The following DLG2 variants were observed in gnomAD, a reference collection of about 807,000 sequenced individuals.
The protein encoded by DLG2 is disks large homolog 2.
Under a neutral mutation model 132.5 loss-of-function variants are expected in DLG2, and 45 were observed. The observed-to-expected ratio is 0.34, with a 90% CI of 0.27 to 0.44. The LOEUF is 0.44. Among genes scored for constraint, DLG2 ranks in the 20% least tolerant of loss-of-function variants. The pLI is 1.00. For synonymous variants in DLG2, 424 were observed against 419.6 expected, an observed-to-expected ratio of 1.01 and a Z score of -0.13; for missense variants, 1,045 against 1,196.9, an observed-to-expected ratio of 0.87 and a Z score of 1.87.
At chr11:85,526,732 T>G (rs1266151139) in intron 3 of DLG2, among the ~76,000 whole-genome samples, 1 of 152,154 alleles carries the variant, frequency 6.6e-6, no homozygotes. Flanking sequence ...GATTAGCATT[T>G]GAATCAGTAG....
chr11:85,028,162 T>A (rs182301094), intron 6 of DLG2, among the ~76,000 whole-genome samples: 1 of 152,240 alleles, frequency 6.6e-6, no homozygotes, highest in African/African-American at 2.4e-5. Flanking sequence ...GCAGGCAGGT[T>A]GTCCTGACAA....
intron 6 of DLG2, among the ~76,000 whole-genome samples, chr11:84,795,232 C>T (rs567465522): frequency 7.2e-5 from 11 of 152,240 alleles, no homozygotes; most frequent in African/African-American, 2.4e-4. Flanking sequence ...TGTGGGTCTC[C>T]TCTTTGCTTA....
chr11:85,104,358 C>T (rs905541707), intron 6 of DLG2, among the ~76,000 whole-genome samples: 3 of 151,808 alleles, frequency 2.0e-5, no homozygotes, highest in South Asian at 4.1e-4. Flanking sequence ...TATACTCATA[C>T]AATGAAATAT....
intron 7 of DLG2, among the ~76,000 whole-genome samples, chr11:84,372,494 G>T (rs1283067264): frequency 6.6e-6 from 1 of 151,960 alleles, no homozygotes; most frequent in East Asian, 1.9e-4. Context: ...CAAAATTATG[G>T]AAATATAAAA....
At chr11:84,147,520 T>C (rs2095129586) in intron 9 of DLG2, among the ~76,000 whole-genome samples, 1 of 152,134 alleles carries the variant, frequency 6.6e-6, no homozygotes, top group Non-Finnish European at 1.5e-5. Flanking sequence ...CTATTGAAAA[T>C]AAAACACTGT....
intron 4 of DLG2, among the ~76,000 whole-genome samples, chr11:85,176,985 G>A (rs891908801): frequency 1.3e-5 from 2 of 152,076 alleles, no homozygotes; most frequent in Non-Finnish European, 2.9e-5. Flanking sequence ...TGGAGAAAAA[G>A]GGATACTTTA....
chr11:84,343,503 A>T (rs1386451757), intron 7 of DLG2, among the ~76,000 whole-genome samples: 1 of 152,236 alleles, frequency 6.6e-6, no homozygotes, highest in Non-Finnish European at 1.5e-5. Flanking sequence ...CTGGGGATGT[A>T]GCTGAAGAAA....
Position 84,632,979 on chromosome 11 carries a change from C to T in DLG2, c.358-98248G>A, listed in dbSNP as rs540797383. Among the ~76,000 whole-genome samples, 4 of 152,290 alleles carry T rather than the reference C, an allele frequency of 2.6e-5. No individual in the cohort carries two copies. The East Asian group carries it at 7.7e-4, about 29-fold the overall frequency. ...TGAATGACTTTGAGCAATTCCATAG[C>T]TTTTCTTTCTTGAGTAAACTCCTCA... On this transcript the variant is annotated intron_variant, in intron 6 of 27. Coordinates refer to ENST00000376104, the MANE Select transcript of DLG2 (RefSeq NM_001142699.3).
chr11:85,424,000 G>A (rs1272531278), intron 3 of DLG2, among the ~76,000 whole-genome samples: 1 of 152,090 alleles, frequency 6.6e-6, no homozygotes. Flanking sequence ...TTCCCCCATG[G>A]CCATTTCCCC....
Position 85,006,222 on chromosome 11 carries a change from C to T in DLG2, c.357+105439G>A, listed in dbSNP as rs188605275. Among the ~76,000 whole-genome samples, 14 of 152,268 alleles carry T rather than the reference C, an allele frequency of 9.2e-5. No homozygotes were observed. In the East Asian group the frequency reaches 2.5e-3, roughly 27 times the overall value. On this transcript the variant is annotated intron_variant, in intron 6 of 27. Coordinates refer to ENST00000376104, the MANE Select transcript of DLG2 (RefSeq NM_001142699.3). ...TTGTGTCTCTGCCAGGTTTTGCTAT[C>T]AGGATGATGCTGTCCTCATAAAATT...
Position 84,624,857 on chromosome 11 carries a change from C to CTTTTTTTTTT in DLG2, c.358-90136_358-90127dup, listed in dbSNP as rs776520040. Among the ~76,000 whole-genome samples, 55 of 76,174 alleles carry CTTTTTTTTTT rather than the reference C, an allele frequency of 7.2e-4. 12 individuals carry two copies. Among genetic ancestry groups the CTTTTTTTTTT allele is most frequent in the African/African-American group, 3.2e-3 (27 of 8,542 alleles). 50.0% of individuals were successfully genotyped at this position (76,174 alleles called of 152,430 possible). ...AGTTACCTCTCAGAAGAGAGTCAACCTTTTTTTTTTTTTTTTTTGAGACGG... is the reference window on the plus strand; with the variant it reads ...AGTTACCTCTCAGAAGAGAGTCAACCTTTTTTTTTTTTTTTTTTTTTTTTTTTTGAGACGG... On this transcript the variant is annotated intron_variant, in intron 6 of 27. Transcript: ENST00000376104.
rs1490601440 is a variant in DLG2 at position 84,099,820 on chromosome 11, GATATATATATCTAAAGCGAT to G, written c.625-793_625-774del. On this transcript the variant is annotated intron_variant, in intron 9 of 27. Coordinates refer to ENST00000376104, the MANE Select transcript of DLG2 (RefSeq NM_001142699.3). ...ATATAAGGATATATATATCTAAAGA[GATATATATATCTAAAGCGAT>G]ATATATATATCTAAAGAGATATATA... is the stretch of plus-strand genomic sequence containing the variant. Among the ~76,000 whole-genome samples the G allele has an allele frequency of 8.8e-5, 10 of 113,718 alleles. 4 individuals are homozygous for G. The highest frequency in any genetic ancestry group is 5.0e-4 in the South Asian group (2 of 3,974). 74.6% of individuals were successfully genotyped at this position (113,718 alleles called of 152,430 possible).
At chr11:83,585,357 AC>A (rs1301195847) in intron 19 of DLG2, among the ~76,000 whole-genome samples, 3 of 152,012 alleles carry the variant, frequency 2.0e-5, no homozygotes, top group African/African-American at 7.3e-5. Flanking sequence ...ACAACCCACA[AC>A]CCTCTCTGCT....
chr11:84,033,411 T>G (rs2095765191), intron 11 of DLG2, among the ~76,000 whole-genome samples: 1 of 152,178 alleles, frequency 6.6e-6, no homozygotes, highest in African/African-American at 2.4e-5. Flanking sequence ...TATAAATGGA[T>G]CCTGAAGATA....
chr11:85,459,850 TGA>T (rs1436645455), intron 3 of DLG2, among the ~76,000 whole-genome samples: 1 of 152,142 alleles, frequency 6.6e-6, no homozygotes, highest in Non-Finnish European at 1.5e-5. Context: ...AATTCCAGGC[TGA>T]GAGGCCCTGC....
At chr11:85,032,416 A>G (rs2061085149) in intron 6 of DLG2, among the ~76,000 whole-genome samples, 1 of 152,220 alleles carries the variant, frequency 6.6e-6, no homozygotes, top group Admixed American at 6.5e-5. Context: ...ATGAAAATTC[A>G]TTTGAAATAT....
intron 7 of DLG2, among the ~76,000 whole-genome samples, chr11:84,295,350 G>C (rs1012698560): frequency 3.3e-5 from 5 of 152,146 alleles, no homozygotes; most frequent in African/African-American, 1.2e-4. Context: ...AATTATAATA[G>C]TAACATAAAG....
At chr11:85,154,225 C>T (rs1281883706) in intron 5 of DLG2, among the ~76,000 whole-genome samples, 1 of 148,832 alleles carries the variant, frequency 6.7e-6, no homozygotes, top group Non-Finnish European at 1.5e-5. Flanking sequence ...TTATTACTGT[C>T]TCAAATAGTT....
intron 7 of DLG2, among the ~76,000 whole-genome samples, chr11:84,499,147 A>C (rs1194098807): frequency 1.3e-5 from 2 of 152,212 alleles, no homozygotes; most frequent in Non-Finnish European, 2.9e-5. Context: ...GGGAATATCA[A>C]ATCTGATGTG....
Sources: gnomAD v4.1 joint callset for allele counts (sites outside exome capture counted in the v4.1 genomes callset) on GRCh38, gnomAD v4.1.1 for gene constraint, MANE v1.5 for transcripts, NCBI Gene and HGNC (gene_info 2026-07-23, HGNC 2026-07-21) for gene names.